GLMN: variants seen among roughly 807,000 people sequenced by gnomAD.
GLMN encodes the protein glomulin, FKBP associated protein, also known as glomulin.
A neutral mutation model predicts 87.8 loss-of-function variants in GLMN; 75 were observed. That is an observed-to-expected ratio of 0.85 (90% CI 0.71 to 1.04). The LOEUF is 1.04. GLMN is among the 50% of genes least tolerant of loss of function. GLMN has a pLI of 0.00. For missense variants in GLMN, 588 were observed against 658.8 expected (o/e 0.89, Z 1.18); for synonymous variants, 206 against 221.6 (o/e 0.93, Z 0.63).
the GLMN span, among the ~76,000 whole-genome samples, chr1:92,319,969 G>C: frequency 1.3e-5 from 2 of 150,988 alleles, no homozygotes; most frequent in African/African-American, 4.9e-5. Flanking sequence ...TTGCACTCCA[G>C]CCTGGGCAAC....
chr1:92,266,270 C>A lies in GLMN; in HGVS notation c.1214+149G>T, dbSNP rs1477702389. On this transcript the variant is annotated intron_variant, in intron 13 of 18. Transcript: ENST00000370360. ...AATATTTGATTAACCCTTTCTCTAG[C>A]CATCACTGAGAATTTATAATATGGG... 16 of 684,250 alleles carry A rather than the reference C, an allele frequency of 2.3e-5. No individual in the cohort carries two copies. The South Asian group carries it at 2.5e-4, about 11-fold the overall frequency. 42.4% of individuals were successfully genotyped at this position (684,250 alleles called of 1,614,324 possible).
chr1:92,280,571 C>T (rs1026976321), intron 7 of GLMN, among the ~76,000 whole-genome samples: 1 of 152,198 alleles, frequency 6.6e-6, no homozygotes, highest in Non-Finnish European at 1.5e-5. Flanking sequence ...TTCAAAGGAT[C>T]ACAGCTCCTC....
Position 92,277,971 on chromosome 1 carries a change from G to T in GLMN, c.736-6319C>A, listed in dbSNP as rs145085260. Among the ~76,000 whole-genome samples, 372 of 152,220 alleles carry T rather than the reference G, an allele frequency of 2.4e-3. 2 individuals carry two copies. The highest frequency in any genetic ancestry group is 9.3e-3 in the South Asian group (45 of 4,822). ...TAGGGCTTGAGACTGGCATTGGAAG[G>T]GGGGGCAGTCTTGAGGTATTTAGCC... On this transcript the variant is annotated intron_variant, in intron 7 of 18. Coordinates refer to ENST00000370360, the MANE Select transcript of GLMN (RefSeq NM_053274.3).
chr1:92,319,138 C>T, the GLMN span, among the ~76,000 whole-genome samples: 1 of 152,080 alleles, frequency 6.6e-6, no homozygotes, highest in South Asian at 2.1e-4. Flanking sequence ...AGACTGTATC[C>T]ATCTTTATAA....
intron 16 of GLMN, among the ~76,000 whole-genome samples, chr1:92,258,898 G>GA (rs531870909): frequency 4.2e-4 from 64 of 151,256 alleles, no homozygotes; most frequent in African/African-American, 1.4e-3. Flanking sequence ...TAAAAGTATT[G>GA]AAAAAAAACC....
At chr1:92,323,966 G>C in the GLMN span, 1 of 1,614,148 alleles carries the variant, frequency 6.2e-7, no homozygotes, top group Non-Finnish European at 8.5e-7. Flanking sequence ...CAAGTGTCTA[G>C]GTCAGTGTCT....
the GLMN span, among the ~76,000 whole-genome samples, chr1:92,362,851 C>T: frequency 2.6e-5 from 4 of 152,182 alleles, no homozygotes; most frequent in African/African-American, 9.6e-5. Context: ...AAAAAATTGC[C>T]AGGTTATAAC....
chr1:92,291,014 G>A, intron 4 of GLMN, among the ~76,000 whole-genome samples: 1 of 152,080 alleles, frequency 6.6e-6, no homozygotes, highest in East Asian at 1.9e-4. Flanking sequence ...TTCTTTTAGG[G>A]AACATACCAC....
chr1:92,323,023 T>C, the GLMN span, among the ~76,000 whole-genome samples: 3 of 146,332 alleles, frequency 2.1e-5, no homozygotes, highest in Non-Finnish European at 4.5e-5. Context: ...ATACTTTATA[T>C]TTTTATATAT....
At chr1:92,300,682 G>T (rs1395203441), upstream of GLMN, among the ~76,000 whole-genome samples, 2 of 152,218 alleles carry the variant, frequency 1.3e-5, no homozygotes, top group Non-Finnish European at 2.9e-5. Flanking sequence ...AGAGTTTCTA[G>T]AAGAGGAGTA....
At chr1:92,273,735 C>T (rs761211648) in intron 7 of GLMN, among the ~76,000 whole-genome samples, 4 of 151,994 alleles carry the variant, frequency 2.6e-5, no homozygotes, top group East Asian at 1.9e-4. Flanking sequence ...GGCCTACAAG[C>T]GGGAGCTACC....
chr1:92,286,427 C>T (rs1648756156), intron 7 of GLMN, 63 bp downstream of exon 7: 1 of 802,250 alleles, frequency 1.2e-6, no homozygotes, highest in Non-Finnish European at 2.2e-6. Context: ...TTTACATGTG[C>T]AGTACTGAGA....
chr1:92,255,126 C>G (rs574297237), intron 16 of GLMN, among the ~76,000 whole-genome samples: 2 of 149,848 alleles, frequency 1.3e-5, no homozygotes, highest in African/African-American at 4.9e-5. Context: ...TCTGATAAAA[C>G]AGACTTTAAA....
chr1:92,320,222 G>A, the GLMN span, among the ~76,000 whole-genome samples: 2 of 152,020 alleles, frequency 1.3e-5, no homozygotes, highest in South Asian at 4.2e-4. Flanking sequence ...GTAAGAGAGA[G>A]ACTAATCCAG....
the GLMN span, among the ~76,000 whole-genome samples, chr1:92,340,382 T>C: frequency 1.3e-5 from 2 of 152,216 alleles, no homozygotes; most frequent in East Asian, 3.8e-4. Flanking sequence ...GTGAAGCTTC[T>C]GGAAAAATGC....
chr1:92,331,757 C>T, the GLMN span, among the ~76,000 whole-genome samples: 2 of 152,102 alleles, frequency 1.3e-5, no homozygotes, highest in Admixed American at 1.3e-4. Context: ...ATTCCTTCTT[C>T]TATCCCCATT....
chr1:92,279,096 T>C (rs1431470843), intron 7 of GLMN, among the ~76,000 whole-genome samples: 1 of 151,626 alleles, frequency 6.6e-6, no homozygotes, highest in Non-Finnish European at 1.5e-5. Flanking sequence ...GTCTCTTGCA[T>C]GTCCTAACTT....
At chr1:92,314,326 G>A in the GLMN span, among the ~76,000 whole-genome samples, 1 of 147,246 alleles carries the variant, frequency 6.8e-6, no homozygotes, top group Non-Finnish European at 1.5e-5. Flanking sequence ...TGTTGTTGCT[G>A]TTGCTGTTGT....
chr1:92,324,507 CT>C, the GLMN span: 1 of 728,440 alleles, frequency 1.4e-6, no homozygotes, highest in South Asian at 2.1e-5. Context: ...GTCATTCTGC[CT>C]TTTGGTTTAC....
Sources: gnomAD v4.1 joint callset for allele counts (sites outside exome capture counted in the v4.1 genomes callset) on GRCh38, gnomAD v4.1.1 for gene constraint, MANE v1.5 for transcripts, NCBI Gene and HGNC (gene_info 2026-07-23, HGNC 2026-07-21) for gene names.